ABCC9: variants seen among roughly 807,000 people sequenced by gnomAD.
ABCC9 encodes ATP-binding cassette sub-family C member 9.
Under a neutral mutation model 188.3 loss-of-function variants are expected in ABCC9, and 95 were observed. The observed-to-expected ratio is 0.50, with a 90% CI of 0.43 to 0.60. The LOEUF (loss-of-function observed/expected upper bound fraction) is 0.60, where lower values mean the gene tolerates loss of function less well. Among genes scored for constraint, ABCC9 ranks in the 20% least tolerant of loss-of-function variants. The pLI is 0.00. For missense variants in ABCC9, 1,102 were observed against 1,876.3 expected, an observed-to-expected ratio of 0.59 and a Z score of 7.62; for synonymous variants, 659 against 652.7, an observed-to-expected ratio of 1.01 and a Z score of -0.15.
chr12:21,870,119 A>T (rs1359948384), intron 18 of ABCC9, among the ~76,000 whole-genome samples: 1 of 152,286 alleles, frequency 6.6e-6, no homozygotes, highest in East Asian at 1.9e-4. Flanking sequence ...TCTATAATCT[A>T]GTATTATATT....
Position 21,862,951 on chromosome 12 carries a change from A to G in ABCC9, c.2339+2T>C, listed in dbSNP as rs1360240911. ...TTCTAAATTTTATATGCTCAAAATT[A>G]CCTCTGTTTGTTAAAAGGACTTCCA... On this transcript the variant is annotated splice_donor_variant, in intron 20 of 39. Coordinates refer to ENST00000261200, the MANE Select transcript of ABCC9 (RefSeq NM_020297.4). LOFTEE classifies it high-confidence loss of function. The G allele has an allele frequency of 6.3e-7, 1 of 1,583,812 alleles. No individual in the cohort carries two copies. The highest frequency in any genetic ancestry group is 8.7e-7 in the Non-Finnish European group (1 of 1,152,940).
intron 31 of ABCC9, among the ~76,000 whole-genome samples, chr12:21,818,982 A>G (rs1188949056): frequency 2.0e-5 from 3 of 152,200 alleles, no homozygotes; most frequent in Admixed American, 6.5e-5. Context: ...CTCAGACAAT[A>G]CAAGTATGGA....
intron 31 of ABCC9, among the ~76,000 whole-genome samples, chr12:21,818,579 G>T (rs1942828599): frequency 7.0e-6 from 1 of 143,444 alleles, no homozygotes. Flanking sequence ...GTTCAGAGAA[G>T]TTACACATCT....
At chr12:21,833,129 T>C (rs1286849366) in intron 30 of ABCC9, among the ~76,000 whole-genome samples, 2 of 152,170 alleles carry the variant, frequency 1.3e-5, no homozygotes, top group East Asian at 1.9e-4. Context: ...GGGTGAAGGA[T>C]GGAAGAGGGG....
At chr12:21,827,041 GT>G in intron 31 of ABCC9, 2 of 877,746 alleles carry the variant, frequency 2.3e-6, no homozygotes, top group African/African-American at 1.8e-5. Context: ...TCAGTATTTT[GT>G]TTTTTGCAGG....
At chr12:21,904,709 C>A (rs1486037637) in intron 12 of ABCC9, among the ~76,000 whole-genome samples, 1 of 152,136 alleles carries the variant, frequency 6.6e-6, no homozygotes, top group African/African-American at 2.4e-5. Flanking sequence ...CAGAGAAATG[C>A]AAATTAAAAC....
At chr12:21,805,413 A>G (rs1342209442) in intron 39 of ABCC9, 2 of 1,119,772 alleles carry the variant, frequency 1.8e-6, no homozygotes, top group South Asian at 2.7e-5. Context: ...AAATATGAGC[A>G]AGAATCCACT....
intron 22 of ABCC9, among the ~76,000 whole-genome samples, chr12:21,852,869 A>T (rs1400760384): frequency 1.3e-5 from 2 of 152,252 alleles, no homozygotes; most frequent in Non-Finnish European, 2.9e-5. Context: ...AAATTATTTT[A>T]AAAGTAAATA....
chr12:21,856,187 A>G (rs1286819778), intron 22 of ABCC9, among the ~76,000 whole-genome samples: 1 of 152,130 alleles, frequency 6.6e-6, no homozygotes, highest in Non-Finnish European at 1.5e-5. Flanking sequence ...AACCTTTTCT[A>G]CAACTTACTA....
chr12:21,801,095 G>A lies in ABCC9; in HGVS notation c.4599C>T (p.Leu1533=). The change falls in exon 40 of 40, where the codon CTC becomes CTT. Residue 1533 remains leucine (L), a synonymous_variant. Coordinates refer to ENST00000261200, the MANE Select transcript of ABCC9 (RefSeq NM_020297.4). ...NILEYDTPES[L]LAQENGVFAS... is the part of the protein sequence containing the mutation. ...CAAATACTCCATTTTCCTGAGCCAA[G>A]AGGCTTTCTGGAGTGTCATATTCTA... 1 of 1,614,018 alleles carries A rather than the reference G, an allele frequency of 6.2e-7. No individual in the cohort carries two copies. The highest frequency in any genetic ancestry group is 8.5e-7 in the Non-Finnish European group (1 of 1,179,944).
intron 8 of ABCC9, among the ~76,000 whole-genome samples, chr12:21,912,430 T>C (rs1308125694): frequency 3.3e-5 from 5 of 151,948 alleles, no homozygotes; most frequent in Non-Finnish European, 7.4e-5. Context: ...AACAGGGTGG[T>C]GGGTTTTTAT....
chr12:21,829,418 G>A (rs139547033), intron 30 of ABCC9, among the ~76,000 whole-genome samples: 3,416 of 151,964 alleles, frequency 0.022, 123 homozygotes, highest in African/African-American at 0.078. Flanking sequence ...AGCCAGGATG[G>A]TCTCGATCTC....
chr12:21,872,439 A>T (rs1946127763), intron 18 of ABCC9, among the ~76,000 whole-genome samples, 186 bp downstream of exon 18: 1 of 152,176 alleles, frequency 6.6e-6, no homozygotes, highest in Non-Finnish European at 1.5e-5. Flanking sequence ...CAACCTTTGT[A>T]ATAAATTGTT....
intron 2 of ABCC9, among the ~76,000 whole-genome samples, chr12:21,938,778 C>A (rs1484677963): frequency 6.6e-6 from 1 of 152,158 alleles, no homozygotes; most frequent in Non-Finnish European, 1.5e-5. Context: ...ATAAGCATTG[C>A]TTGCCTGGTG....
intron 10 of ABCC9, among the ~76,000 whole-genome samples, 175 bp downstream of exon 10, chr12:21,909,982 T>C (rs1452108595): frequency 6.6e-6 from 1 of 151,952 alleles, no homozygotes; most frequent in African/African-American, 2.4e-5. Flanking sequence ...AATTTCAAAC[T>C]TCTCTTGCTT....
intron 14 of ABCC9, among the ~76,000 whole-genome samples, chr12:21,889,590 C>T (rs1947048439): frequency 6.6e-6 from 1 of 152,078 alleles, no homozygotes; most frequent in Non-Finnish European, 1.5e-5. Flanking sequence ...AATGTTTGTT[C>T]AATAAATCAA....
intron 25 of ABCC9, 32 bp from the exon 26 acceptor site, chr12:21,845,864 G>C: frequency 6.8e-7 from 1 of 1,471,230 alleles, no homozygotes; most frequent in Non-Finnish European, 9.5e-7. Flanking sequence ...TTAAGCTTCA[G>C]ATGGGCACCG....
intron 31 of ABCC9, among the ~76,000 whole-genome samples, chr12:21,818,644 CTTT>C (rs77782399): frequency 3.8e-4 from 41 of 107,354 alleles, no homozygotes; most frequent in African/African-American, 1.2e-3. Flanking sequence ...GTAGGGTTTA[CTTT>C]TTTTTTTTTT....
At chr12:21,837,932 A>G (rs1427508938) in intron 30 of ABCC9, 146 bp downstream of exon 30, 5 of 732,778 alleles carry the variant, frequency 6.8e-6, no homozygotes, top group African/African-American at 1.7e-5. Flanking sequence ...ATTTACACCA[A>G]ATTTTTCTTA....
Sources: allele counts gnomAD v4.1 joint callset (sites outside exome capture counted in the v4.1 genomes callset), GRCh38; gene constraint gnomAD v4.1.1; transcripts MANE v1.5; gene names NCBI Gene and HGNC (gene_info 2026-07-23, HGNC 2026-07-21).